The following SNX9 variants were observed in gnomAD, a reference collection of about 807,000 sequenced individuals.
The protein encoded by SNX9 is sorting nexin 9, also known as sorting nexin-9.
In SNX9, 44 loss-of-function variants were observed where a neutral mutation model predicts 89.4. The ratio of observed to expected loss-of-function variants is 0.49; its 90% CI spans 0.39 to 0.63. The LOEUF is 0.63. Ranked by LOEUF, SNX9 falls within the 30% of genes least tolerant of loss-of-function variation. The pLI is 0.00. For synonymous variants in SNX9, 236 were observed against 247.8 expected (o/e 0.95, Z 0.45); for missense variants, 578 against 736.1 (o/e 0.79, Z 2.49).
chr6:157,842,569 T>C (rs1781723666), intron 1 of SNX9, among the ~76,000 whole-genome samples: 1 of 152,126 alleles, frequency 6.6e-6, no homozygotes, highest in African/African-American at 2.4e-5. Flanking sequence ...TTAAAGATAA[T>C]TTGGTGTTTT....
At chr6:157,896,733 T>C (rs1464610116) in intron 4 of SNX9, 94 bp from the exon 5 acceptor site, 26 of 1,336,862 alleles carry the variant, frequency 1.9e-5, no homozygotes, top group Non-Finnish European at 2.6e-5. Context: ...TTTTTAGTAC[T>C]CCTGTTGTAT....
Position 157,850,831 on chromosome 6 carries a change from G to A in SNX9, c.13-16716G>A, listed in dbSNP as rs537640416. Among the ~76,000 whole-genome samples the A allele has an allele frequency of 3.3e-5, 5 of 152,308 alleles. No homozygotes were observed. The South Asian group carries it at 1.0e-3, about 32-fold the overall frequency. Reference sequence around the variant, plus strand: ...TGGCACTGCTGGCTGCCAGGGGCTGGGCCTGTGCTGGGGTGCACCAGCTGT... The same window carrying A: ...TGGCACTGCTGGCTGCCAGGGGCTGAGCCTGTGCTGGGGTGCACCAGCTGT... On this transcript the variant is annotated intron_variant, in intron 1 of 17. Transcript: ENST00000392185.
intron 4 of SNX9, among the ~76,000 whole-genome samples, chr6:157,883,441 G>A (rs931543033): frequency 2.0e-5 from 3 of 152,104 alleles, no homozygotes; most frequent in East Asian, 3.9e-4. Context: ...TTTGCTACAT[G>A]TCAGCAGGGC....
At chr6:157,915,692 G>A (rs1258861776) in intron 9 of SNX9, among the ~76,000 whole-genome samples, 1 of 143,748 alleles carries the variant, frequency 7.0e-6, no homozygotes, top group Non-Finnish European at 1.5e-5. Context: ...AGGCGTGGTG[G>A]CACACACCTG....
chr6:157,858,440 T>C (rs1583202831), intron 1 of SNX9, among the ~76,000 whole-genome samples: 1 of 151,996 alleles, frequency 6.6e-6, no homozygotes, highest in Non-Finnish European at 1.5e-5. Context: ...CAGGCTGGTC[T>C]CAAACTCCTG....
At chr6:157,888,723 T>C (rs546620549) in intron 4 of SNX9, among the ~76,000 whole-genome samples, 15 of 152,288 alleles carry the variant, frequency 9.8e-5, no homozygotes, top group Admixed American at 9.8e-4. Context: ...AGTCATCTTT[T>C]TTTCCCAAGT....
chr6:157,916,644 G>T (rs948798625), intron 9 of SNX9, among the ~76,000 whole-genome samples: 2 of 152,286 alleles, frequency 1.3e-5, no homozygotes, highest in Admixed American at 1.3e-4. Flanking sequence ...ATGAATAGAT[G>T]CTGGATTTTG....
chr6:157,830,393 T>G (rs1781458063), intron 1 of SNX9: 1 of 152,210 alleles, frequency 6.6e-6, no homozygotes, highest in Non-Finnish European at 1.5e-5. Context: ...GCTTTGACAT[T>G]TGCTGCTGGG....
At chr6:157,877,320 C>T (rs1299903073) in intron 4 of SNX9, among the ~76,000 whole-genome samples, 1 of 151,778 alleles carries the variant, frequency 6.6e-6, no homozygotes. Context: ...CTAATCAGAT[C>T]CTTTGAAAGC....
Position 157,915,640 on chromosome 6 carries a change from A to AAT in SNX9, c.949+5631_949+5632dup, listed in dbSNP as rs1411739606. Among the ~76,000 whole-genome samples the AAT allele has an allele frequency of 9.1e-4, 87 of 95,136 alleles. 1 individual carries two copies. Among genetic ancestry groups the AAT allele is most frequent in the East Asian group, 2.1e-3 (9 of 4,262 alleles). The allele number at this position is 95,136 out of a possible 152,430, so 62.4% of individuals were successfully genotyped here. A position where few individuals can be genotyped will look rare whatever the true frequency, so the allele number is the denominator to read the frequency against. ...ATCTCTACTAAAAAAAAAAAAAAAA[A>AAT]ATATATATATATATATACACACACA... is the stretch of plus-strand genomic sequence containing the variant. On this transcript the variant is annotated intron_variant, in intron 9 of 17. Coordinates refer to ENST00000392185, the MANE Select transcript of SNX9 (RefSeq NM_016224.5).
At position 157,872,820 on chromosome 6, in the gene SNX9, G is replaced by A. The variant is rs545120537; in HGVS notation, c.100-282G>A. 5.3e-4 allele frequency: 111 copies of A among 207,888 alleles called. 1 individual carries two copies. The highest frequency in any genetic ancestry group is 2.1e-3 in the African/African-American group (93 of 43,314). The allele number at this position is 207,888 out of a possible 1,614,324, so 12.9% of individuals were successfully genotyped here. On this transcript the variant is annotated intron_variant, in intron 2 of 17. Coordinates refer to ENST00000392185, the MANE Select transcript of SNX9 (RefSeq NM_016224.5). ...CTGCAAGCCACTTTTATTATCTGCCGCAGACCAGTACACAGACAAGATGAG... is the reference window on the plus strand; with the variant it reads ...CTGCAAGCCACTTTTATTATCTGCCACAGACCAGTACACAGACAAGATGAG...
chr6:157,834,088 T>C (rs1293086766), intron 1 of SNX9, among the ~76,000 whole-genome samples: 1 of 140,988 alleles, frequency 7.1e-6, no homozygotes, highest in African/African-American at 2.6e-5. Flanking sequence ...GATCCTGCCA[T>C]GGGGTGACAC....
At chr6:157,868,426 A>G (rs1200044785) in intron 2 of SNX9, among the ~76,000 whole-genome samples, 4 of 152,324 alleles carry the variant, frequency 2.6e-5, no homozygotes, top group Middle Eastern at 3.4e-3. Context: ...AGAAGCATCT[A>G]TGTGATCTCT....
chr6:157,891,014 C>A (rs983476187), intron 4 of SNX9, among the ~76,000 whole-genome samples: 9 of 138,744 alleles, frequency 6.5e-5, no homozygotes, highest in Admixed American at 2.1e-4. Flanking sequence ...GCTAAAAATT[C>A]TTTTTTCTTT....
rs866466524 is a variant in SNX9 at position 157,826,943 on chromosome 6, A to C, written c.12+3497A>C. Among the ~76,000 whole-genome samples, 17 of 81,710 alleles carry C rather than the reference A, an allele frequency of 2.1e-4. 3 individuals carry two copies. Among genetic ancestry groups the C allele is most frequent in the East Asian group, 8.1e-4 (3 of 3,694 alleles). The allele number at this position is 81,710 out of a possible 152,430, so 53.6% of individuals were successfully genotyped here. ...TATATTATAGTTTATATAATATATA[A>C]AATATATTATAGTTTATATAATATA... On this transcript the variant is annotated intron_variant, in intron 1 of 17. Coordinates refer to ENST00000392185, the MANE Select transcript of SNX9 (RefSeq NM_016224.5).
At chr6:157,892,370 G>A (rs981628074) in intron 4 of SNX9, among the ~76,000 whole-genome samples, 4 of 152,160 alleles carry the variant, frequency 2.6e-5, no homozygotes, top group African/African-American at 9.7e-5. Flanking sequence ...GACTGAGTCC[G>A]AGGGCCGTGA....
chr6:157,873,897 C>A (rs1011951101), intron 3 of SNX9, among the ~76,000 whole-genome samples: 11 of 152,126 alleles, frequency 7.2e-5, no homozygotes, highest in Admixed American at 5.2e-4. Context: ...TGGGACACCC[C>A]CAAGCTGAGC....
chr6:157,905,096 A>G (rs947575965), intron 6 of SNX9, among the ~76,000 whole-genome samples: 8 of 152,216 alleles, frequency 5.3e-5, no homozygotes, highest in African/African-American at 1.9e-4. Context: ...CCCTAAGGCT[A>G]CCTAAGTGTT....
intron 1 of SNX9, among the ~76,000 whole-genome samples, chr6:157,855,501 C>T (rs1313739961): frequency 6.6e-6 from 1 of 152,172 alleles, no homozygotes; most frequent in East Asian, 1.9e-4. Flanking sequence ...TACCTGTTTC[C>T]CTAAACCTTA....
Sources: gnomAD v4.1 joint callset for allele counts (sites outside exome capture counted in the v4.1 genomes callset) on GRCh38, gnomAD v4.1.1 for gene constraint, MANE v1.5 for transcripts, NCBI Gene and HGNC (gene_info 2026-07-23, HGNC 2026-07-21) for gene names.